APC: variants seen among roughly 807,000 people sequenced by gnomAD.
APC encodes the protein adenomatous polyposis coli protein.
Under a neutral mutation model 247.0 loss-of-function variants are expected in APC, and 72 were observed. That is an observed-to-expected ratio of 0.29 (90% CI 0.24 to 0.35). The LOEUF is 0.35. Ranked by LOEUF, APC falls within the 10% of genes least tolerant of loss-of-function variation. APC has a pLI of 1.00. For synonymous variants in APC, 1,254 were observed against 1,162.5 expected (o/e 1.08, Z -1.60); for missense variants, 3,400 against 3,360.7 (o/e 1.01, Z -0.29).
At chr5:112,815,641 C>A in intron 9 of APC, 48 bp downstream of exon 9, 1 of 1,475,624 alleles carries the variant, frequency 6.8e-7, no homozygotes. Context: ...GACTACTTTG[C>A]TAAGACATTC....
At position 112,844,086 on chromosome 5, in the gene APC, C is replaced by T. The variant is rs773513581; in HGVS notation, c.8492C>T (p.Pro2831Leu). 3 of 1,611,426 alleles carry T rather than the reference C, an allele frequency of 1.9e-6. No individual in the cohort carries two copies. Among genetic ancestry groups the T allele is most frequent in the East Asian group, 2.2e-5 (1 of 44,878 alleles). Residue 2831 changes from proline to leucine, a missense_variant, in exon 16 of 16, where the codon CCT becomes CTT. Coordinates refer to ENST00000257430, the MANE Select transcript of APC (RefSeq NM_000038.6). ...ACAGAATCCAGTGGAACCCAAAGTCCTAAGCGCCATTCTGGGTCTTACCTT... is the reference window on the plus strand; with the variant it reads ...ACAGAATCCAGTGGAACCCAAAGTCTTAAGCGCCATTCTGGGTCTTACCTT... The part of the protein sequence containing the change: ...DSTESSGTQS[P>L]KRHSGSYLVT...
chr5:112,758,636 C>T (rs1015595530), intron 2 of APC, among the ~76,000 whole-genome samples: 7 of 151,406 alleles, frequency 4.6e-5, no homozygotes, highest in Admixed American at 2.0e-4. Flanking sequence ...CTCCCCACAA[C>T]TTTTTTTTAG....
chr5:112,785,016 A>G (rs1758788481), intron 6 of APC, among the ~76,000 whole-genome samples: 1 of 152,080 alleles, frequency 6.6e-6, no homozygotes, highest in Admixed American at 6.6e-5. Context: ...GTGAGCTATG[A>G]TCATGCCACT....
At chr5:112,782,155 G>A (rs1479355110) in intron 6 of APC, among the ~76,000 whole-genome samples, 1 of 152,188 alleles carries the variant, frequency 6.6e-6, no homozygotes, top group East Asian at 1.9e-4. Flanking sequence ...TGGAAGGCAA[G>A]GAGGAACAAG....
In APC at chr5:112,839,773, T is replaced by G. The variant is rs1428104242; in HGVS notation, c.4179T>G (p.Leu1393=). The G allele has an allele frequency of 6.2e-7, 1 of 1,613,996 alleles. No individual in the cohort carries two copies. The highest frequency in any genetic ancestry group is 1.3e-5 in the African/African-American group (1 of 74,912). ...GCAGATGTACTTCTGTCAGTTCACT[T>G]GATAGTTTTGAGAGTCGTTCGATTG... ...MFSRCTSVSS[L]DSFESRSIAS... The change falls in exon 16 of 16, where the codon CTT becomes CTG. Residue 1393 remains leucine (L), a synonymous_variant. Coordinates refer to ENST00000257430, the MANE Select transcript of APC (RefSeq NM_000038.6). This position sits in a 1 kb window ranked among gnomAD's most constrained non-coding sequence, Gnocchi z 5.0.
intron 1 of APC, among the ~76,000 whole-genome samples, chr5:112,709,710 T>C (rs1750739236): frequency 6.6e-6 from 1 of 151,980 alleles, no homozygotes; most frequent in South Asian, 2.1e-4. Flanking sequence ...GAGACCAGCC[T>C]AGGCAACATG....
chr5:112,746,187 T>C (rs2149708001), intron 1 of APC, among the ~76,000 whole-genome samples: 1 of 152,130 alleles, frequency 6.6e-6, no homozygotes, highest in South Asian at 2.1e-4. Context: ...TAATACAAGA[T>C]GGAGAAAGCA....
At chr5:112,735,495 G>GCATA (rs1581055064), upstream of APC, among the ~76,000 whole-genome samples, 1 of 114,170 alleles carries the variant, frequency 8.8e-6, no homozygotes, top group South Asian at 3.3e-4. Flanking sequence ...TATTTTTAAT[G>GCATA]CATACATATA....
In APC at chr5:112,838,932, A is replaced by T. The variant is rs2149889854; in HGVS notation, c.3338A>T (p.Asn1113Ile). 6 of 1,614,132 alleles carry T rather than the reference A, an allele frequency of 3.7e-6. No homozygotes were observed. The highest frequency in any genetic ancestry group is 3.3e-5 in the South Asian group (3 of 91,088). The change falls in exon 16 of 16, where the codon AAT (asparagine) becomes ATT (isoleucine). Residue 1113 changes from asparagine to isoleucine, a missense_variant. Coordinates refer to ENST00000257430, the MANE Select transcript of APC (RefSeq NM_000038.6). ...RSRGANGSET[N>I]RVGSNHGINQ... The stretch of plus-strand genomic sequence containing the variant: ...CGGGGAGCCAATGGTTCAGAAACAA[A>T]TCGAGTGGGTTCTAATCATGGAATT...
At chr5:112,806,020 C>G (rs963661617) in intron 8 of APC, among the ~76,000 whole-genome samples, 2 of 152,196 alleles carry the variant, frequency 1.3e-5, no homozygotes, top group Non-Finnish European at 2.9e-5. Flanking sequence ...CACTGGCCTT[C>G]TCTCAGTACC....
In APC at chr5:112,760,078, T is replaced by A. The variant is rs4705624; in HGVS notation, c.135+5053T>A. Among the ~76,000 whole-genome samples the A allele has an allele frequency of 0.4, 60,773 of 151,964 alleles. 14,637 individuals carry two copies. Among genetic ancestry groups the A allele is most frequent in the East Asian group, 0.65 (3,366 of 5,152 alleles). On this transcript the variant is annotated intron_variant, in intron 2 of 15. Coordinates refer to ENST00000257430, the MANE Select transcript of APC (RefSeq NM_000038.6). ...AAGAAAGAACCCTTTCTAGATAAGCTGAGATTACTGGTAATTTTCTTCCTG... is the reference window on the plus strand; with the variant it reads ...AAGAAAGAACCCTTTCTAGATAAGCAGAGATTACTGGTAATTTTCTTCCTG...
At chr5:112,790,113 G>A (rs1351300929) in intron 6 of APC, among the ~76,000 whole-genome samples, 3 of 152,090 alleles carry the variant, frequency 2.0e-5, no homozygotes, top group Non-Finnish European at 4.4e-5. Context: ...GCCCACCTTG[G>A]CCTCCCAGTG....
At chr5:112,749,565 A>G (rs1434900363) in intron 1 of APC, among the ~76,000 whole-genome samples, 1 of 147,334 alleles carries the variant, frequency 6.8e-6, no homozygotes, top group Non-Finnish European at 1.5e-5. Context: ...GCTTACTGCA[A>G]CAACCTCCAC....
intron 6 of APC, among the ~76,000 whole-genome samples, chr5:112,783,984 G>T (rs191216185): frequency 1.3e-5 from 2 of 151,728 alleles, no homozygotes; most frequent in African/African-American, 4.8e-5. Flanking sequence ...TCAGCTGCCC[G>T]AAACTTTATA....
intron 6 of APC, among the ~76,000 whole-genome samples, chr5:112,783,115 T>A (rs1007960823): frequency 6.6e-6 from 1 of 152,136 alleles, no homozygotes; most frequent in Non-Finnish European, 1.5e-5. Flanking sequence ...GAGAGAGAGA[T>A]CCTAAAAGAA....
intron 10 of APC, among the ~76,000 whole-genome samples, chr5:112,819,870 G>T (rs921962231): frequency 1.3e-5 from 2 of 152,122 alleles, no homozygotes; most frequent in African/African-American, 4.8e-5. Flanking sequence ...AGGCTCAGAA[G>T]AGCTAAAGGA....
intron 6 of APC, among the ~76,000 whole-genome samples, chr5:112,786,886 C>CTTTTTTTT (rs1171592849): frequency 6.0e-4 from 71 of 118,104 alleles, no homozygotes; most frequent in Middle Eastern, 9.9e-3. Flanking sequence ...TTTTCTTTTT[C>CTTTTTTTT]TTTTTTTTTT....
At chr5:112,812,940 C>T (rs1310000406) in intron 8 of APC, among the ~76,000 whole-genome samples, 3 of 152,136 alleles carry the variant, frequency 2.0e-5, no homozygotes, top group Non-Finnish European at 2.9e-5. Context: ...TTTCCCTTCC[C>T]TAAGGAGGAT....
chr5:112,817,324 A>G (rs538397547), intron 9 of APC, among the ~76,000 whole-genome samples: 1 of 152,338 alleles, frequency 6.6e-6, no homozygotes, highest in East Asian at 1.9e-4. Context: ...TGGGAAAGGT[A>G]TTACTGAAAT....
Sources: allele counts gnomAD v4.1 joint callset (sites outside exome capture counted in the v4.1 genomes callset), GRCh38; gene constraint gnomAD v4.1.1; non-coding constraint Gnocchi (gnomAD v3.1); transcripts MANE v1.5; gene names NCBI Gene and HGNC (gene_info 2026-07-23, HGNC 2026-07-21).